SLC18B1: variants seen among roughly 807,000 people sequenced by gnomAD.
SLC18B1 encodes the protein MFS-type transporter SLC18B1.
SLC18B1 carries 62 observed loss-of-function variants against 53.9 expected under a neutral mutation model. The ratio of observed to expected loss-of-function variants is 1.15; its 90% CI spans 0.94 to 1.42. SLC18B1 has a LOEUF of 1.42. SLC18B1 is among the 40% of genes most tolerant of loss of function. The probability of loss-of-function intolerance (pLI) is 0.00; values close to 1 mark genes in which losing one functional copy is unlikely to be tolerated. For missense variants in SLC18B1, 598 were observed against 547.3 expected, an observed-to-expected ratio of 1.09 and a Z score of -0.93; for synonymous variants, 217 against 200.9, an observed-to-expected ratio of 1.08 and a Z score of -0.68.
Position 132,772,188 on chromosome 6 carries a change from C to T in SLC18B1, c.1104G>A (p.Glu368=). 1.3e-6 allele frequency: 2 copies of T among 1,573,942 alleles called. No individual in the cohort carries two copies. The highest frequency in any genetic ancestry group is 1.2e-5 in the South Asian group (1 of 82,702). The part of the protein sequence containing the change: ...LSCAHENGFE[E]GLSTLGLVSG... The stretch of plus-strand genomic sequence containing the variant: ...ATACAAGTCCCAATGTACTTAATCC[C>T]TCTTCAAACCCATTTTCACTGCAAA... Residue 368 remains glutamate (E), a synonymous_variant, in exon 11 of 14, where the codon GAG becomes GAA. Coordinates refer to ENST00000275227, the MANE Select transcript of SLC18B1 (RefSeq NM_052831.3).
At chr6:132,783,599 T>C (rs1055088697) in intron 6 of SLC18B1, among the ~76,000 whole-genome samples, 5 of 152,232 alleles carry the variant, frequency 3.3e-5, no homozygotes, top group African/African-American at 4.8e-5. Context: ...ATTGTTCTCC[T>C]AGCTTATAGC....
At chr6:132,787,008 A>G (rs1255494666) in intron 5 of SLC18B1, among the ~76,000 whole-genome samples, 1 of 152,198 alleles carries the variant, frequency 6.6e-6, no homozygotes, top group Non-Finnish European at 1.5e-5. Flanking sequence ...TCCCGTGCAT[A>G]AATCTGGGGA....
intron 2 of SLC18B1, 78 bp downstream of exon 2, chr6:132,796,904 A>T: frequency 6.8e-7 from 1 of 1,465,712 alleles, no homozygotes. Flanking sequence ...ATATACTATA[A>T]AATAAAATAA....
chr6:132,775,558 T>A (rs1781078678), intron 8 of SLC18B1, among the ~76,000 whole-genome samples: 1 of 152,134 alleles, frequency 6.6e-6, no homozygotes, highest in African/African-American at 2.4e-5. Context: ...GCAAATGAAA[T>A]CAAGGGAAAT....
At chr6:132,794,523 T>C (rs1781623994) in intron 2 of SLC18B1, among the ~76,000 whole-genome samples, 1 of 152,136 alleles carries the variant, frequency 6.6e-6, no homozygotes, top group Non-Finnish European at 1.5e-5. Flanking sequence ...TTCCTTTCTA[T>C]CTTAGGCCTG....
chr6:132,792,253 A>AGAGAGAGAGAGAGAGAG, intron 2 of SLC18B1, among the ~76,000 whole-genome samples: 1 of 26,046 alleles, frequency 3.8e-5, no homozygotes, highest in East Asian at 7.2e-4. Context: ...GAAAGAAAGA[A>AGAGAGAGAGAGAGAGAG]AGAAAGAAAG....
At position 132,792,236 on chromosome 6, in the gene SLC18B1, A is replaced by G. The variant is rs555565026; in HGVS notation, c.184-1964T>C. 5.0e-3 allele frequency among the ~76,000 whole-genome samples: 21 copies of G among 4,222 alleles called. No homozygotes were observed. In the South Asian group the frequency reaches 0.053, roughly 11 times the overall value. The allele number at this position is 4,222 out of a possible 152,430, so 2.8% of individuals were successfully genotyped here. A position where few individuals can be genotyped will look rare whatever the true frequency, so the allele number is the denominator to read the frequency against. ...GAGCAAGACACTGTCAGAAAGAAAG[A>G]AAGAAAGAAAGAAAGAAAGAAAGAA... On this transcript the variant is annotated intron_variant, in intron 2 of 13. Transcript: ENST00000275227.
At chr6:132,770,603 A>G (rs1780945028) in intron 13 of SLC18B1, among the ~76,000 whole-genome samples, 1 of 152,028 alleles carries the variant, frequency 6.6e-6, no homozygotes, top group Admixed American at 6.6e-5. Context: ...GGGCATGGTG[A>G]CCCATGCCTG....
At position 132,776,327 on chromosome 6, in the gene SLC18B1, C is replaced by T; in HGVS notation, c.897+1G>A. 1 of 1,608,480 alleles carries T rather than the reference C, an allele frequency of 6.2e-7. No individual in the cohort carries two copies. Reference sequence around the variant, plus strand: ...CTCAAATATAAATTAAGTGTACGTACTGGCCTTTTATCACTTAGGAGACCA... The same window carrying T: ...CTCAAATATAAATTAAGTGTACGTATTGGCCTTTTATCACTTAGGAGACCA... On this transcript the variant is annotated splice_donor_variant, in intron 8 of 13. Coordinates refer to ENST00000275227, the MANE Select transcript of SLC18B1 (RefSeq NM_052831.3). LOFTEE classifies it high-confidence loss of function.
At chr6:132,773,196 C>T in intron 9 of SLC18B1, 108 bp from the exon 10 acceptor site, 4 of 650,040 alleles carry the variant, frequency 6.2e-6, no homozygotes, top group South Asian at 1.7e-5. Context: ...AGTTATTTCA[C>T]CGATTATGTG....
chr6:132,774,254 G>A lies in SLC18B1; in HGVS notation c.957C>T (p.Leu319=), dbSNP rs199989942. The change falls in exon 9 of 14, where the codon CTC becomes CTT. Residue 319 remains leucine (L), a synonymous_variant. Transcript: ENST00000275227. ...TATGCAAGATTGGGACAGGCCCTAAGAGCATGTAGCACCCGGCTGTGATTA... is the reference window on the plus strand; with the variant it reads ...TATGCAAGATTGGGACAGGCCCTAAAAGCATGTAGCACCCGGCTGTGATTA... The part of the protein sequence containing the change: ...GNLITAGCYM[L]LGPVPILHIK... 3 of 1,613,344 alleles carry A rather than the reference G, an allele frequency of 1.9e-6. No homozygotes were observed. Among genetic ancestry groups the A allele is most frequent in the South Asian group, 2.2e-5 (2 of 90,952 alleles).
chr6:132,789,810 A>G lies in SLC18B1; in HGVS notation c.307T>C (p.Phe103Leu). 1 of 1,613,576 alleles carries G rather than the reference A, an allele frequency of 6.2e-7. No homozygotes were observed. The highest frequency in any genetic ancestry group is 8.5e-7 in the Non-Finnish European group (1 of 1,179,524). ...CCTGAGACAAACATTCCTGCTACAAACATAAATTTTGCTCCAATATGTACA... is the reference window on the plus strand; with the variant it reads ...CCTGAGACAAACATTCCTGCTACAAGCATAAATTTTGCTCCAATATGTACA... ...YLVHIGAKFMFVAGMFVSGGV... is the reference protein window; with the variant it reads ...YLVHIGAKFMLVAGMFVSGGV... The change falls in exon 4 of 14, where the codon TTT becomes CTT. Residue 103 changes from phenylalanine to leucine, a missense_variant. Transcript: ENST00000275227.
intron 5 of SLC18B1, among the ~76,000 whole-genome samples, chr6:132,786,921 T>C (rs971581245): frequency 6.6e-6 from 1 of 152,162 alleles, no homozygotes; most frequent in African/African-American, 2.4e-5. Flanking sequence ...GGATCTGGAT[T>C]TTTATGTCAA....
chr6:132,788,847 AT>A (rs1554222805), intron 4 of SLC18B1, among the ~76,000 whole-genome samples: 2 of 143,504 alleles, frequency 1.4e-5, no homozygotes, highest in Non-Finnish European at 3.0e-5. Context: ...AAAAAAAAAC[AT>A]GTAGAATCAC....
chr6:132,781,985 C>T (rs1419963436), intron 6 of SLC18B1, among the ~76,000 whole-genome samples: 2 of 151,600 alleles, frequency 1.3e-5, no homozygotes, highest in Non-Finnish European at 2.9e-5. Flanking sequence ...GTCAGGAGTT[C>T]GAGACCAGAC....
chr6:132,789,659 A>G (rs1781472437), intron 4 of SLC18B1, 105 bp downstream of exon 4: 2 of 803,138 alleles, frequency 2.5e-6, no homozygotes, highest in South Asian at 3.0e-5. Flanking sequence ...TGCATTTGAC[A>G]GACAATAAAT....
Position 132,776,323 on chromosome 6 carries a change from C to T in SLC18B1, c.897+5G>A, listed in dbSNP as rs780964091. 8.7e-6 allele frequency: 14 copies of T among 1,602,444 alleles called. No homozygotes were observed. The highest frequency in any genetic ancestry group is 5.5e-5 in the South Asian group (5 of 90,204). On this transcript the variant is annotated splice_donor_5th_base_variant and intron_variant, in intron 8 of 13. Coordinates refer to ENST00000275227, the MANE Select transcript of SLC18B1 (RefSeq NM_052831.3). ...GTGACTCAAATATAAATTAAGTGTA[C>T]GTACTGGCCTTTTATCACTTAGGAG... is the stretch of plus-strand genomic sequence containing the variant.
In SLC18B1 at chr6:132,769,858, A is replaced by G. The variant is rs1780924747; in HGVS notation, c.*412T>C. ...TGAAGCACCTTTATGTATTTAGAGCATATCAAATTAATTCATTTCTTTCCC... is the reference window on the plus strand; with the variant it reads ...TGAAGCACCTTTATGTATTTAGAGCGTATCAAATTAATTCATTTCTTTCCC... On this transcript the variant is annotated 3_prime_UTR_variant, in exon 14 of 14. Coordinates refer to ENST00000275227, the MANE Select transcript of SLC18B1 (RefSeq NM_052831.3). 1 of 155,362 alleles carries G rather than the reference A, an allele frequency of 6.4e-6. No individual in the cohort carries two copies. Among genetic ancestry groups the G allele is most frequent in the Admixed American group, 6.5e-5 (1 of 15,482 alleles). 9.6% of individuals were successfully genotyped at this position (155,362 alleles called of 1,614,324 possible).
chr6:132,789,831 G>T lies in SLC18B1; in HGVS notation c.286C>A (p.His96Asn). Reference protein sequence around the residue: ...ASLVFGNYLVHIGAKFMFVAG... With the variant: ...ASLVFGNYLVNIGAKFMFVAG... ...ACAAACATAAATTTTGCTCCAATAT[G>T]TACAAGCTATAATAAATGTCAAAGA... Residue 96 changes from histidine (H) to asparagine (N), a missense_variant, in exon 4 of 14, where the codon CAT (histidine) becomes AAT (asparagine). By Grantham distance (68) the His-to-Asn change is moderately conservative. Transcript: ENST00000275227. The T allele has an allele frequency of 6.2e-7, 1 of 1,609,476 alleles. No individual in the cohort carries two copies. The highest frequency in any genetic ancestry group is 8.5e-7 in the Non-Finnish European group (1 of 1,175,950).
Sources: gnomAD v4.1 joint callset for allele counts (sites outside exome capture counted in the v4.1 genomes callset) on GRCh38, gnomAD v4.1.1 for gene constraint, MANE v1.5 for transcripts, NCBI Gene and HGNC (gene_info 2026-07-23, HGNC 2026-07-21) for gene names.